Variants in SRGAP3 observed in about 807,000 individuals in gnomAD.
The protein encoded by SRGAP3 is SLIT-ROBO Rho GTPase-activating protein 3.
A neutral mutation model predicts 121.1 loss-of-function variants in SRGAP3; 39 were observed. The ratio of observed to expected loss-of-function variants is 0.32; its 90% CI spans 0.25 to 0.42. The LOEUF (loss-of-function observed/expected upper bound fraction) is 0.42. Among genes scored for constraint, SRGAP3 ranks in the 10% least tolerant of loss-of-function variants. The pLI is 1.00. For synonymous variants in SRGAP3, 601 were observed against 570.0 expected (o/e 1.05, Z -0.77); for missense variants, 1,213 against 1,470.6 (o/e 0.82, Z 2.86).
intron 3 of SRGAP3, among the ~76,000 whole-genome samples, chr3:9,259,385 C>T (rs982096182): frequency 1.3e-5 from 2 of 152,102 alleles, no homozygotes; most frequent in African/African-American, 4.8e-5. Flanking sequence ...CTCAAGCGAT[C>T]CTCCCCTTTC....
At chr3:9,173,937 A>T (rs1374057559) in intron 1 of SRGAP3, among the ~76,000 whole-genome samples, 2 of 152,232 alleles carry the variant, frequency 1.3e-5, no homozygotes, top group Non-Finnish European at 2.9e-5. Flanking sequence ...CATGCTCAAA[A>T]AGCACTTATT....
intron 6 of SRGAP3, 160 bp downstream of exon 6, chr3:9,060,071 C>G (rs7644328): frequency 0.086 from 98,696 of 1,149,422 alleles, 5,579 homozygotes; most frequent in African/African-American, 0.24. Context: ...TCATTTTCCA[C>G]CTCCCCAAAT....
At chr3:9,234,460 C>A (rs1953332064) in intron 1 of SRGAP3, among the ~76,000 whole-genome samples, 1 of 152,058 alleles carries the variant, frequency 6.6e-6, no homozygotes, top group Non-Finnish European at 1.5e-5. Flanking sequence ...TCTTTTGTGT[C>A]CCTGAAGGTG....
chr3:9,028,386 A>G (rs1215396270), intron 12 of SRGAP3, among the ~76,000 whole-genome samples: 1 of 152,056 alleles, frequency 6.6e-6, no homozygotes, highest in African/African-American at 2.4e-5. Context: ...CCTCCCAGAC[A>G]CCAGCTGACA....
intron 1 of SRGAP3, among the ~76,000 whole-genome samples, chr3:9,215,143 AAGAAAG>A (rs1364622579): frequency 2.6e-5 from 4 of 152,216 alleles, no homozygotes; most frequent in Non-Finnish European, 4.4e-5. Context: ...AAACGATCAA[AAGAAAG>A]AGAATGAGAA....
intron 15 of SRGAP3, 184 bp from the exon 16 acceptor site, chr3:9,014,026 A>AG: frequency 1.5e-6 from 1 of 665,310 alleles, no homozygotes; most frequent in Non-Finnish European, 2.7e-6. Context: ...AGCTACAGGG[A>AG]GGGGCTGGAG....
rs199670290 is a variant in SRGAP3 at position 9,132,850 on chromosome 3, T to G, written c.68-7933A>C. Among the ~76,000 whole-genome samples the G allele has an allele frequency of 2.8e-4, 12 of 42,488 alleles. No individual in the cohort carries two copies. In the Admixed American group the frequency reaches 3.1e-3, roughly 11 times the overall value. 27.9% of individuals were successfully genotyped at this position (42,488 alleles called of 152,430 possible). A position where few individuals can be genotyped will look rare whatever the true frequency, so the allele number is the denominator to read the frequency against. On this transcript the variant is annotated intron_variant, in intron 1 of 21. Coordinates refer to ENST00000383836, the MANE Select transcript of SRGAP3 (RefSeq NM_014850.4). Reference sequence around the variant, plus strand: ...ACATTTTTAAATAGGAAATATAGGGTTTTTTTTAATATTACATACACAACT... The same window carrying G: ...ACATTTTTAAATAGGAAATATAGGGGTTTTTTTAATATTACATACACAACT...
intron 3 of SRGAP3, among the ~76,000 whole-genome samples, chr3:9,304,785 A>T (rs750805804): frequency 5.9e-5 from 9 of 152,088 alleles, no homozygotes; most frequent in Non-Finnish European, 1.0e-4. Context: ...TCCAATTTTG[A>T]GTCCCTTATT....
chr3:9,050,351 C>A (rs940331631), intron 9 of SRGAP3, among the ~76,000 whole-genome samples: 6 of 152,196 alleles, frequency 3.9e-5, no homozygotes, highest in Non-Finnish European at 7.3e-5. Flanking sequence ...AAGATGTAAT[C>A]CCAAATGCCT....
At position 9,104,728 on chromosome 3, in the gene SRGAP3, G is replaced by C. The variant is rs774048794; in HGVS notation, c.375C>G (p.Ile125Met). The change falls in exon 3 of 22, where the codon ATC becomes ATG. Residue 125 changes from isoleucine to methionine, a missense_variant. Ile to Met is a conservative substitution (Grantham distance 10, BLOSUM62 1). Transcript: ENST00000383836. Reference protein sequence around the residue: ...TLNDIFMNNVIVRLSQISEDV... With the variant: ...TLNDIFMNNVMVRLSQISEDV... The stretch of plus-strand genomic sequence containing the variant: ...CCTCACTGATCTGGGAGAGGCGGAC[G>C]ATGACATTGTTCATGAAGATGTCAT... 1.9e-6 allele frequency: 3 copies of C among 1,614,226 alleles called. No individual in the cohort carries two copies. Among genetic ancestry groups the C allele is most frequent in the South Asian group, 2.2e-5 (2 of 91,084 alleles).
chr3:9,025,187 G>C, intron 14 of SRGAP3, 74 bp downstream of exon 14: 4 of 1,519,908 alleles, frequency 2.6e-6, no homozygotes, highest in Non-Finnish European at 3.6e-6. Context: ...GCACACCACT[G>C]GCTCTGAGAC....
intron 1 of SRGAP3, among the ~76,000 whole-genome samples, chr3:9,215,058 TTA>T (rs1450780141): frequency 6.6e-6 from 1 of 152,198 alleles, no homozygotes; most frequent in African/African-American, 2.4e-5. Context: ...TTTACTCTAC[TTA>T]TAATATCTTT....
chr3:8,989,986 A>T (rs1051738370), intron 21 of SRGAP3, among the ~76,000 whole-genome samples: 2 of 152,180 alleles, frequency 1.3e-5, no homozygotes, highest in African/African-American at 4.8e-5. Flanking sequence ...CCAACCAAAC[A>T]ACTATTTCAC....
At chr3:9,198,938 C>T (rs1951989879) in intron 1 of SRGAP3, among the ~76,000 whole-genome samples, 1 of 152,198 alleles carries the variant, frequency 6.6e-6, no homozygotes, top group Non-Finnish European at 1.5e-5. Flanking sequence ...CAAGCAGACA[C>T]ACTGTCCTCT....
intron 5 of SRGAP3, among the ~76,000 whole-genome samples, chr3:9,060,660 G>C (rs985040463): frequency 6.6e-5 from 10 of 151,974 alleles, no homozygotes; most frequent in African/African-American, 2.2e-4. Flanking sequence ...GGCTGATCTG[G>C]AACTCCTGGC....
chr3:9,308,459 T>G (rs1307984716), intron 3 of SRGAP3, among the ~76,000 whole-genome samples: 1 of 152,122 alleles, frequency 6.6e-6, no homozygotes, highest in Non-Finnish European at 1.5e-5. Context: ...AGAACTGCAG[T>G]TCAGAGAAGA....
chr3:9,266,518 T>C (rs1045346240), intron 3 of SRGAP3, among the ~76,000 whole-genome samples: 3 of 152,086 alleles, frequency 2.0e-5, no homozygotes, highest in African/African-American at 7.2e-5. Context: ...ATATAATAGG[T>C]GATCAATAAA....
chr3:9,351,287 C>T (rs1017150409), intron 1 of SRGAP3, among the ~76,000 whole-genome samples: 4 of 152,148 alleles, frequency 2.6e-5, no homozygotes, highest in African/African-American at 4.8e-5. Context: ...ACTTCATTTG[C>T]CATGTGCCAG....
At chr3:9,331,672 G>C (rs1398377386) in intron 1 of SRGAP3, among the ~76,000 whole-genome samples, 1 of 152,212 alleles carries the variant, frequency 6.6e-6, no homozygotes, top group African/African-American at 2.4e-5. Context: ...TTGACTGACA[G>C]AATAGGGCAG....
Sources: gnomAD v4.1 joint callset for allele counts (sites outside exome capture counted in the v4.1 genomes callset) on GRCh38, gnomAD v4.1.1 for gene constraint, MANE v1.5 for transcripts, NCBI Gene and HGNC (gene_info 2026-07-23, HGNC 2026-07-21) for gene names.